SRRM1: variants seen among roughly 807,000 people sequenced by gnomAD.
SRRM1 encodes the protein serine/arginine repetitive matrix protein 1.
SRRM1 carries 19 observed loss-of-function variants against 110.2 expected under a neutral mutation model. That is an observed-to-expected ratio of 0.17 (90% CI 0.12 to 0.25). The LOEUF is 0.25. Ranked by LOEUF, SRRM1 falls within the 10% of genes least tolerant of loss-of-function variation. The pLI is 1.00. For synonymous variants in SRRM1, 443 were observed against 414.9 expected, an observed-to-expected ratio of 1.07 and a Z score of -0.82; for missense variants, 918 against 1,145.8, an observed-to-expected ratio of 0.80 and a Z score of 2.87.
chr1:24,654,888 T>C lies in SRRM1; in HGVS notation c.1074T>C (p.Ser358=). The C allele has an allele frequency of 1.2e-6, 2 of 1,614,066 alleles. No homozygotes were observed. Among genetic ancestry groups the C allele is most frequent in the Non-Finnish European group, 1.7e-6 (2 of 1,179,998 alleles). ...RRRSSASLSG[S]SSSSSSSRSR... is the part of the protein sequence containing the mutation. ...GTTCGTCAGCATCCTTGTCTGGGAG[T>C]AGCTCATCATCCTCTTCATCTCGTT... Residue 358 remains serine (S), a synonymous_variant, in exon 9 of 17, where the codon AGT becomes AGC. Transcript: ENST00000323848.
At chr1:24,666,069 C>T (rs947491581) in intron 12 of SRRM1, among the ~76,000 whole-genome samples, 2 of 152,158 alleles carry the variant, frequency 1.3e-5, no homozygotes. Flanking sequence ...ACCTGGAGAG[C>T]CTTTCCCAAA....
Position 24,671,381 on chromosome 1 carries a change from C to G in SRRM1, c.2401-5C>G. The G allele has an allele frequency of 6.3e-7, 1 of 1,582,412 alleles. No individual in the cohort carries two copies. Among genetic ancestry groups the G allele is most frequent in the Non-Finnish European group, 8.5e-7 (1 of 1,169,920 alleles). On this transcript the variant is annotated splice_region_variant and splice_polypyrimidine_tract_variant and intron_variant, in intron 15 of 16. Coordinates refer to ENST00000323848, the MANE Select transcript of SRRM1 (RefSeq NM_005839.4). ...ATGCTGGGTGTTGTTTTTTTTTCTT[C>G]CTAGAATTCAGATCAGGAAGGAGGT...
At chr1:24,656,278 G>A (rs1664058261) in intron 9 of SRRM1, among the ~76,000 whole-genome samples, 1 of 152,208 alleles carries the variant, frequency 6.6e-6, no homozygotes, top group Non-Finnish European at 1.5e-5. Context: ...CTGTGACAAT[G>A]AGGCATAGAT....
rs947577617 is a variant in SRRM1, at chr1:24,672,487, G to C, written c.*201G>C. 1 of 324,232 alleles carries C rather than the reference G, an allele frequency of 3.1e-6. No individual in the cohort carries two copies. The highest frequency in any genetic ancestry group is 2.2e-5 in the African/African-American group (1 of 46,308). The allele number at this position is 324,232 out of a possible 1,614,324, so 20.1% of individuals were successfully genotyped here. ...TATTAGTGACATTCTTTCATTGACA[G>C]CTGACATAATTCATTGAGTGAAATA... On this transcript the variant is annotated 3_prime_UTR_variant, in exon 17 of 17. Transcript: ENST00000323848.
At chr1:24,657,652 C>G (rs1302301497) in intron 9 of SRRM1, among the ~76,000 whole-genome samples, 2 of 152,072 alleles carry the variant, frequency 1.3e-5, no homozygotes, top group African/African-American at 4.8e-5. Flanking sequence ...GGGGAACTTA[C>G]AGGTTAATTA....
Position 24,666,806 on chromosome 1 carries a change from T to A in SRRM1, c.1629-9T>A. On this transcript the variant is annotated splice_polypyrimidine_tract_variant and intron_variant, in intron 12 of 16. Transcript: ENST00000323848. ...GAAAAAAAATTAACTATAATTCTTC[T>A]TGGTTTAGTGGTAGACGGAGGAGAA... The A allele has an allele frequency of 6.2e-7, 1 of 1,609,670 alleles. No individual in the cohort carries two copies. Among genetic ancestry groups the A allele is most frequent in the South Asian group, 1.1e-5 (1 of 90,954 alleles).
At chr1:24,643,512 G>C (rs1343805501) in intron 1 of SRRM1, 165 bp downstream of exon 1, 7 of 568,348 alleles carry the variant, frequency 1.2e-5, no homozygotes, top group African/African-American at 4.4e-5. Context: ...CTGCGGCGGA[G>C]ACCGGTGCGC....
chr1:24,654,699 G>GT (rs1031259129), intron 8 of SRRM1, among the ~76,000 whole-genome samples, 156 bp from the exon 9 acceptor site: 2 of 152,238 alleles, frequency 1.3e-5, no homozygotes, highest in South Asian at 2.1e-4. Flanking sequence ...CTAGGTTATG[G>GT]TTTTTTCCCC....
intron 14 of SRRM1, chr1:24,669,912 T>C: frequency 1.7e-6 from 1 of 572,258 alleles, no homozygotes; most frequent in Non-Finnish European, 3.1e-6. Flanking sequence ...AGAAGCATCA[T>C]TAACAGAATA....
intron 1 of SRRM1, among the ~76,000 whole-genome samples, chr1:24,644,646 A>G (rs1656242631): frequency 6.6e-6 from 1 of 152,226 alleles, no homozygotes; most frequent in Non-Finnish European, 1.5e-5. Flanking sequence ...TTAGGCAAAC[A>G]GTAAGATACT....
chr1:24,666,035 GATT>G (rs988856157), intron 12 of SRRM1, among the ~76,000 whole-genome samples: 2 of 152,160 alleles, frequency 1.3e-5, no homozygotes, highest in African/African-American at 4.8e-5. Flanking sequence ...TAAAGCAGTT[GATT>G]CCTAATAAGG....
intron 1 of SRRM1, 44 bp downstream of exon 1, chr1:24,643,391 C>T (rs769019432): frequency 2.6e-6 from 4 of 1,523,230 alleles, no homozygotes; most frequent in East Asian, 2.7e-5. Flanking sequence ...AGGGACTTCT[C>T]GGTAAGGCCT....
intron 8 of SRRM1, among the ~76,000 whole-genome samples, chr1:24,653,392 C>A (rs898716211): frequency 6.6e-6 from 1 of 152,028 alleles, no homozygotes; most frequent in Non-Finnish European, 1.5e-5. Context: ...CTCCTTTTAC[C>A]AGTATTAAAG....
At chr1:24,667,065 A>T (rs1670372564) in intron 13 of SRRM1, 140 bp downstream of exon 13, 2 of 594,752 alleles carry the variant, frequency 3.4e-6, no homozygotes, top group Non-Finnish European at 6.0e-6. Flanking sequence ...CCCAATCATC[A>T]TGCTTATGAA....
intron 14 of SRRM1, chr1:24,669,816 G>T: frequency 1.8e-6 from 1 of 564,458 alleles, no homozygotes. Context: ...TGTTTTTGAG[G>T]GGTATGCTTC....
intron 9 of SRRM1, among the ~76,000 whole-genome samples, chr1:24,657,675 T>C (rs777121806): frequency 4.6e-5 from 7 of 152,204 alleles, no homozygotes; most frequent in African/African-American, 9.6e-5. Flanking sequence ...TGGAATACAG[T>C]ATACAGTCAT....
chr1:24,653,117 C>G, intron 8 of SRRM1, 85 bp downstream of exon 8: 1 of 1,347,168 alleles, frequency 7.4e-7, no homozygotes, highest in Non-Finnish European at 1.0e-6. Flanking sequence ...ATTAGTGTCC[C>G]CTGGAAGAAA....
Position 24,661,729 on chromosome 1 carries a change from A to G in SRRM1, c.1483+333A>G, listed in dbSNP as rs529750720. Among the ~76,000 whole-genome samples, 6 of 152,354 alleles carry G rather than the reference A, an allele frequency of 3.9e-5. No homozygotes were observed. In the East Asian group the frequency reaches 9.6e-4, roughly 24 times the overall value. On this transcript the variant is annotated intron_variant, in intron 11 of 16. Coordinates refer to ENST00000323848, the MANE Select transcript of SRRM1 (RefSeq NM_005839.4). Reference sequence around the variant, plus strand: ...GAAAAAGGAAAAGAAAAAACCCCACAGAAGCTCAACTGTAGATATGTTGCC... The same window carrying G: ...GAAAAAGGAAAAGAAAAAACCCCACGGAAGCTCAACTGTAGATATGTTGCC...
chr1:24,652,744 A>C, intron 7 of SRRM1, 116 bp downstream of exon 7: 1 of 1,303,774 alleles, frequency 7.7e-7, no homozygotes, highest in Admixed American at 2.9e-5. Context: ...ATATTTTTTG[A>C]ATGTACACAG....
Sources: allele counts gnomAD v4.1 joint callset (sites outside exome capture counted in the v4.1 genomes callset), GRCh38; gene constraint gnomAD v4.1.1; transcripts MANE v1.5; gene names NCBI Gene and HGNC (gene_info 2026-07-23, HGNC 2026-07-21).